Variants in DEGS2 observed in about 807,000 individuals in gnomAD.
DEGS2 encodes the protein sphingolipid delta(4)-desaturase/C4-monooxygenase DES2.
In DEGS2, 19 loss-of-function variants were observed where a neutral mutation model predicts 23.8. The ratio of observed to expected loss-of-function variants is 0.80; its 90% CI spans 0.56 to 1.17. The LOEUF is 1.17. Ranked by LOEUF, DEGS2 falls within the 50% of genes most tolerant of loss-of-function variation. DEGS2 has a pLI of 0.00. For missense variants in DEGS2, 390 were observed against 459.5 expected (o/e 0.85, Z 1.38); for synonymous variants, 218 against 213.7 (o/e 1.02, Z -0.18).
At chr14:100,158,308 G>A (rs1889691496) in intron 1 of DEGS2, among the ~76,000 whole-genome samples, 1 of 152,086 alleles carries the variant, frequency 6.6e-6, no homozygotes, top group Admixed American at 6.5e-5. Flanking sequence ...CTACTCAGGA[G>A]GCTGAGGTAG....
At chr14:100,156,628 AGCTCTTGAACTGT>A (rs1889662180) in intron 1 of DEGS2, among the ~76,000 whole-genome samples, 1 of 152,170 alleles carries the variant, frequency 6.6e-6, no homozygotes, top group Non-Finnish European at 1.5e-5. Flanking sequence ...TCCACAGCCA[AGCTCTTGAACTGT>A]GCCCCAAAGA....
Position 100,159,534 on chromosome 14 carries a change from C to A in DEGS2, c.54G>T (p.Pro18=). ...SDFEWVYTDQ[P]HTQRRKEILA... ...GTATCTCCTTGCGCCGCTGCGTGTG[C>A]GGCTGGTCGGTGTAGACCCACTCGA... Residue 18 remains proline, a synonymous_variant, in exon 1 of 3, where the codon CCG becomes CCT. Coordinates refer to ENST00000305631, the MANE Select transcript of DEGS2 (RefSeq NM_206918.3). 6.6e-7 allele frequency: 1 copy of A among 1,509,972 alleles called. No homozygotes were observed. Among genetic ancestry groups the A allele is most frequent in the Non-Finnish European group, 8.8e-7 (1 of 1,130,886 alleles). The allele number at this position is 1,509,972 out of a possible 1,614,324, so 93.5% of individuals were successfully genotyped here.
Position 100,145,557 on chromosome 14 carries a change from T to G in DEGS2, c.*1204A>C, listed in dbSNP as rs995423490. On this transcript the variant is annotated 3_prime_UTR_variant, in exon 3 of 3. Transcript: ENST00000305631. ...CATGGAGAGGCCTTCAAGCCCTGAC[T>G]GTAGCCTCAGTCTCCATTCCTAAGT... The G allele has an allele frequency of 2.6e-5, 4 of 152,280 alleles. No homozygotes were observed. The highest frequency in any genetic ancestry group is 9.6e-5 in the African/African-American group (4 of 41,456). The allele number at this position is 152,280 out of a possible 1,614,324, so 9.4% of individuals were successfully genotyped here. A position where few individuals can be genotyped will look rare whatever the true frequency, so the allele number is the denominator to read the frequency against.
intron 2 of DEGS2, among the ~76,000 whole-genome samples, chr14:100,148,366 C>T (rs997166816): frequency 2.6e-4 from 39 of 152,342 alleles, no homozygotes; most frequent in Non-Finnish European, 1.2e-4. Flanking sequence ...GTAACTCCAG[C>T]TCTTTCCAGG....
intron 1 of DEGS2, among the ~76,000 whole-genome samples, chr14:100,157,967 A>G (rs1426682396): frequency 1.3e-5 from 2 of 151,382 alleles, no homozygotes; most frequent in Non-Finnish European, 1.5e-5. Context: ...GGTGCCTGTA[A>G]TCCCAGCTAC....
At chr14:100,164,090 C>T (rs1399685069), upstream of DEGS2, among the ~76,000 whole-genome samples, 1 of 151,942 alleles carries the variant, frequency 6.6e-6, no homozygotes, top group Non-Finnish European at 1.5e-5. Context: ...GTGGCTCGCG[C>T]CTGTGGTCCC....
rs552259982 is a variant in DEGS2, at chr14:100,150,857, A to C, written c.83-1147T>G. Among the ~76,000 whole-genome samples the C allele has an allele frequency of 1.3e-3, 200 of 152,144 alleles. 2 individuals are homozygous for C. The highest frequency in any genetic ancestry group is 2.6e-3 in the Admixed American group (40 of 15,294). On this transcript the variant is annotated intron_variant, in intron 1 of 2. Transcript: ENST00000305631. The stretch of plus-strand genomic sequence containing the variant: ...AGGAGAAACCTGCACACAGAAGGAC[A>C]GCAGCGCCCACCCTACCAGCCCCTC...
upstream of DEGS2, among the ~76,000 whole-genome samples, chr14:100,162,238 A>G (rs1889757699): frequency 6.7e-6 from 1 of 150,312 alleles, no homozygotes; most frequent in African/African-American, 2.5e-5. Context: ...AGTCCCAGCT[A>G]CTCGGGAGGC....
upstream of DEGS2, chr14:100,160,286 GCTGTTA>G (rs1435001286): frequency 2.0e-5 from 3 of 152,268 alleles, no homozygotes; most frequent in East Asian, 5.8e-4. Flanking sequence ...TACAGAAGTG[GCTGTTA>G]TGATTCAGGG....
Position 100,152,764 on chromosome 14 carries a change from C to G in DEGS2, c.83-3054G>C, listed in dbSNP as rs375571996. ...TGGTTCTGAGGCCCTCAGACTCAGA[C>G]TGAACCACGCTACCCCTACTGCCAC... On this transcript the variant is annotated intron_variant, in intron 1 of 2. Coordinates refer to ENST00000305631, the MANE Select transcript of DEGS2 (RefSeq NM_206918.3). Among the ~76,000 whole-genome samples the G allele has an allele frequency of 6.7e-4, 102 of 152,270 alleles. 2 individuals are homozygous for G. The highest frequency in any genetic ancestry group is 2.4e-3 in the African/African-American group (98 of 41,552).
chr14:100,159,984 C>G (rs1019584065), upstream of DEGS2: 1 of 156,706 alleles, frequency 6.4e-6, no homozygotes, highest in African/African-American at 2.4e-5. Context: ...CCGGCCCGTT[C>G]TCTCCGCAGC....
At chr14:100,160,163 G>C (rs1195995372), upstream of DEGS2, 7 of 152,280 alleles carry the variant, frequency 4.6e-5, no homozygotes, top group African/African-American at 7.2e-5. Flanking sequence ...TCCTCCACCC[G>C]GCCCTTTCAC....
chr14:100,147,042 C>T (rs966684856), intron 2 of DEGS2, 135 bp from the exon 3 acceptor site: 56 of 972,620 alleles, frequency 5.8e-5, no homozygotes, highest in Non-Finnish European at 8.0e-5. Context: ...CGCGCGCGCA[C>T]ACCCACACAC....
chr14:100,166,329 GT>G, the DEGS2 span, among the ~76,000 whole-genome samples: 1 of 46,212 alleles, frequency 2.2e-5, no homozygotes, highest in African/African-American at 8.6e-5. Flanking sequence ...GCCCGGGGCT[GT>G]GGGGGAGCCT....
chr14:100,158,960 C>A (rs1889702932), intron 1 of DEGS2, among the ~76,000 whole-genome samples: 1 of 152,374 alleles, frequency 6.6e-6, no homozygotes, highest in Middle Eastern at 3.4e-3. Context: ...TTAGTACAAT[C>A]TTTGCTTTTT....
At chr14:100,159,787 T>G (rs1000736408), upstream of DEGS2, 1 of 329,378 alleles carries the variant, frequency 3.0e-6, no homozygotes, top group Non-Finnish European at 5.5e-6. Flanking sequence ...CCCCGGCGGG[T>G]AGCTGGCGCT....
intron 1 of DEGS2, among the ~76,000 whole-genome samples, chr14:100,155,146 G>A (rs562237283): frequency 4.0e-4 from 61 of 152,074 alleles, no homozygotes; most frequent in African/African-American, 1.4e-3. Flanking sequence ...CACCTCTGCC[G>A]CCACCTGCTT....
intron 1 of DEGS2, among the ~76,000 whole-genome samples, chr14:100,152,089 G>C (rs1889581536): frequency 6.6e-6 from 1 of 152,200 alleles, no homozygotes; most frequent in Admixed American, 6.5e-5. Context: ...GACAAGAAGA[G>C]AGAGCAGGTG....
Position 100,153,294 on chromosome 14 carries a change from G to GATAGATAGAT in DEGS2, c.83-3594_83-3585dup, listed in dbSNP as rs1555365198. On this transcript the variant is annotated intron_variant, in intron 1 of 2. Transcript: ENST00000305631. ...AGATAGATAGATAGATAGATAGATAGATAGATAGATAATAGATGTGAGAGA... is the reference window on the plus strand; with the variant it reads ...AGATAGATAGATAGATAGATAGATAGATAGATAGATATAGATAGATAATAGATGTGAGAGA... Among the ~76,000 whole-genome samples, 5 of 142,268 alleles carry GATAGATAGAT rather than the reference G, an allele frequency of 3.5e-5. No individual in the cohort carries two copies. The East Asian group carries it at 1.4e-3, about 41-fold the overall frequency. The allele number at this position is 142,268 out of a possible 152,430, so 93.3% of individuals were successfully genotyped here. A position where few individuals can be genotyped will look rare whatever the true frequency, so the allele number is the denominator to read the frequency against.
Sources: allele counts gnomAD v4.1 joint callset (sites outside exome capture counted in the v4.1 genomes callset), GRCh38; gene constraint gnomAD v4.1.1; transcripts MANE v1.5; gene names NCBI Gene and HGNC (gene_info 2026-07-23, HGNC 2026-07-21).